The following NELL1 variants were observed in gnomAD, a reference collection of about 807,000 sequenced individuals.
The protein encoded by NELL1 is protein kinase C-binding protein NELL1.
A neutral mutation model predicts 107.4 loss-of-function variants in NELL1; 76 were observed. That is an observed-to-expected ratio of 0.71 (90% CI 0.59 to 0.86). The LOEUF is 0.86. Ranked by LOEUF, NELL1 falls within the 40% of genes least tolerant of loss-of-function variation. The probability of loss-of-function intolerance (pLI) is 0.00; values close to 1 mark genes in which losing one functional copy is unlikely to be tolerated. For synonymous variants in NELL1, 353 were observed against 341.2 expected (o/e 1.03, Z -0.38); for missense variants, 1,024 against 1,005.5 (o/e 1.02, Z -0.25).
At chr11:21,385,829 C>T (rs1851732904) in intron 15 of NELL1, among the ~76,000 whole-genome samples, 1 of 151,870 alleles carries the variant, frequency 6.6e-6, no homozygotes, top group Non-Finnish European at 1.5e-5. Context: ...CTGCACTAAA[C>T]ATTGTCAGAT....
chr11:21,042,890 A>C lies in NELL1; in HGVS notation c.1301-70699A>C, dbSNP rs1297307012. 2.0e-5 allele frequency among the ~76,000 whole-genome samples: 3 copies of C among 152,080 alleles called. No homozygotes were observed. The East Asian group carries it at 5.8e-4, about 29-fold the overall frequency. On this transcript the variant is annotated intron_variant, in intron 12 of 19. Transcript: ENST00000357134. ...TACAGAATATGCTTTGTGAGATTTC[A>C]TTTCATTTGAAATGCCTATTTTTTT...
chr11:21,560,931 T>G (rs979934624), intron 17 of NELL1, among the ~76,000 whole-genome samples: 1 of 152,086 alleles, frequency 6.6e-6, no homozygotes, highest in African/African-American at 2.4e-5. Context: ...GGGCCATTCC[T>G]TATATTAAGT....
intron 3 of NELL1, among the ~76,000 whole-genome samples, chr11:20,804,777 C>G (rs1857347325): frequency 6.6e-6 from 1 of 152,098 alleles, no homozygotes; most frequent in South Asian, 2.1e-4. Flanking sequence ...ATGAAATGTT[C>G]TGTAAAAATC....
chr11:21,050,254 C>T (rs957369622), intron 12 of NELL1, among the ~76,000 whole-genome samples: 2 of 148,330 alleles, frequency 1.3e-5, no homozygotes, highest in Non-Finnish European at 3.0e-5. Flanking sequence ...AAAAGGAAAA[C>T]TTGCAAACCC....
Position 21,127,694 on chromosome 11 carries a change from C to T in NELL1, c.1426+13980C>T, listed in dbSNP as rs545258703. Among the ~76,000 whole-genome samples, 82 of 152,188 alleles carry T rather than the reference C, an allele frequency of 5.4e-4. 2 individuals carry two copies. The highest frequency in any genetic ancestry group is 1.3e-4 in the Non-Finnish European group (9 of 67,992). ...GACGACAACCTCTATTAACATTTTGCATTTAGGAGTATTTATCTTATGTCT... is the reference window on the plus strand; with the variant it reads ...GACGACAACCTCTATTAACATTTTGTATTTAGGAGTATTTATCTTATGTCT... On this transcript the variant is annotated intron_variant, in intron 13 of 19. Transcript: ENST00000357134.
intron 15 of NELL1, among the ~76,000 whole-genome samples, chr11:21,495,241 T>C (rs537150894): frequency 3.9e-4 from 60 of 152,276 alleles, no homozygotes; most frequent in African/African-American, 1.4e-3. Context: ...TATTTTATAT[T>C]AATGAAACAA....
intron 4 of NELL1, among the ~76,000 whole-genome samples, chr11:20,861,781 G>A (rs1455240448): frequency 6.6e-6 from 1 of 152,198 alleles, no homozygotes; most frequent in Non-Finnish European, 1.5e-5. Context: ...CCGAGCATGA[G>A]CTTTTGGAGT....
rs562818366 is a variant in NELL1, at chr11:21,525,243, G to T, written c.1646-9131G>T. Among the ~76,000 whole-genome samples, 47 of 152,294 alleles carry T rather than the reference G, an allele frequency of 3.1e-4. No individual in the cohort carries two copies. In the South Asian group the frequency reaches 7.3e-3, roughly 23 times the overall value. On this transcript the variant is annotated intron_variant, in intron 15 of 19. Coordinates refer to ENST00000357134, the MANE Select transcript of NELL1 (RefSeq NM_006157.5). ...CTGAAGAAAGTTAGAGAGCTATATT[G>T]TCAATACTACTGACTTCACTGTTAA...
intron 4 of NELL1, among the ~76,000 whole-genome samples, chr11:20,850,343 A>G (rs1276960642): frequency 6.6e-6 from 1 of 152,172 alleles, no homozygotes; most frequent in Middle Eastern, 3.2e-3. Flanking sequence ...GTTTTTCTCA[A>G]CCTCTCACCC....
At chr11:20,812,925 G>A (rs1346365007) in intron 3 of NELL1, among the ~76,000 whole-genome samples, 3 of 145,922 alleles carry the variant, frequency 2.1e-5, no homozygotes, top group African/African-American at 5.0e-5. Flanking sequence ...GGAGAATGGC[G>A]TGAACCCCAG....
chr11:21,137,624 T>C (rs1008416188), intron 13 of NELL1, among the ~76,000 whole-genome samples: 4 of 152,174 alleles, frequency 2.6e-5, no homozygotes, highest in Non-Finnish European at 5.9e-5. Context: ...GTGAAAGATA[T>C]TTTGTCCTCC....
chr11:20,754,094 G>T (rs1856205166), intron 2 of NELL1, among the ~76,000 whole-genome samples: 1 of 152,134 alleles, frequency 6.6e-6, no homozygotes, highest in African/African-American at 2.4e-5. Flanking sequence ...TGCATCATAT[G>T]GGCTGAAAGT....
intron 15 of NELL1, among the ~76,000 whole-genome samples, chr11:21,383,129 C>T (rs568118217): frequency 8.5e-5 from 13 of 152,084 alleles, no homozygotes; most frequent in African/African-American, 3.1e-4. Flanking sequence ...GCATCATTTG[C>T]TCCTAGTAGG....
intron 12 of NELL1, among the ~76,000 whole-genome samples, chr11:21,026,576 T>C (rs1007990259): frequency 3.9e-5 from 6 of 152,300 alleles, no homozygotes; most frequent in Non-Finnish European, 7.4e-5. Context: ...GCAAGTAGTA[T>C]AAAAGCAGGG....
chr11:21,200,571 C>T (rs572405765), intron 13 of NELL1, among the ~76,000 whole-genome samples: 4 of 152,234 alleles, frequency 2.6e-5, no homozygotes, highest in East Asian at 3.9e-4. Context: ...AATTTTCTCC[C>T]ATTCTGTAGG....
chr11:20,988,735 C>T (rs951029431), intron 12 of NELL1, among the ~76,000 whole-genome samples: 2 of 151,664 alleles, frequency 1.3e-5, no homozygotes, highest in African/African-American at 2.4e-5. Context: ...AGACGACAGG[C>T]GCCCGCCACC....
chr11:21,564,141 C>G (rs1856915406), intron 17 of NELL1, among the ~76,000 whole-genome samples: 1 of 151,936 alleles, frequency 6.6e-6, no homozygotes, highest in African/African-American at 2.4e-5. Context: ...TTGGAATTGG[C>G]AGGGCCCAGT....
intron 14 of NELL1, among the ~76,000 whole-genome samples, chr11:21,301,200 A>G (rs188935363): frequency 1.8e-3 from 269 of 152,270 alleles, no homozygotes; most frequent in African/African-American, 6.0e-3. Flanking sequence ...TGCCACAATA[A>G]ACATACGTGT....
chr11:20,876,031 T>C (rs1849298298), intron 4 of NELL1, among the ~76,000 whole-genome samples: 1 of 152,190 alleles, frequency 6.6e-6, no homozygotes, highest in Admixed American at 6.5e-5. Flanking sequence ...CTGATCTCAT[T>C]TGAACACTTC....
Sources: gnomAD v4.1 joint callset for allele counts (sites outside exome capture counted in the v4.1 genomes callset) on GRCh38, gnomAD v4.1.1 for gene constraint, MANE v1.5 for transcripts, NCBI Gene and HGNC (gene_info 2026-07-23, HGNC 2026-07-21) for gene names.